The following MYO9B variants were observed in gnomAD, a reference collection of about 807,000 sequenced individuals.
MYO9B encodes the protein myosin IXB.
Under a neutral mutation model 229.5 loss-of-function variants are expected in MYO9B, and 71 were observed. The ratio of observed to expected loss-of-function variants is 0.31; its 90% CI spans 0.26 to 0.38. The LOEUF is 0.38. MYO9B is among the 10% of genes least tolerant of loss of function. The pLI is 1.00. For synonymous variants in MYO9B, 1,185 were observed against 1,235.8 expected (o/e 0.96, Z 0.86); for missense variants, 2,255 against 2,920.5 (o/e 0.77, Z 5.25).
chr19:17,174,599 T>A (rs2072762829), intron 13 of MYO9B, among the ~76,000 whole-genome samples: 1 of 151,934 alleles, frequency 6.6e-6, no homozygotes, highest in Non-Finnish European at 1.5e-5. Context: ...ATCATGCCAG[T>A]GCACTTCAGC....
intron 14 of MYO9B, 87 bp from the exon 15 acceptor site, chr19:17,180,840 C>T (rs2072850740): frequency 1.2e-6 from 1 of 847,656 alleles, no homozygotes; most frequent in Non-Finnish European, 1.9e-6. Context: ...GGGATGGTCC[C>T]AATGGCGCTG....
chr19:17,088,695 G>T (rs1428875243), intron 1 of MYO9B, among the ~76,000 whole-genome samples: 1 of 152,092 alleles, frequency 6.6e-6, no homozygotes, highest in Non-Finnish European at 1.5e-5. Context: ...ATTTGTGTGT[G>T]TGTGAGAGAG....
intron 20 of MYO9B, among the ~76,000 whole-genome samples, chr19:17,191,669 C>CA (rs1490648711): frequency 6.6e-6 from 1 of 152,150 alleles, no homozygotes; most frequent in East Asian, 1.9e-4. Flanking sequence ...CTGAAGGCCT[C>CA]ACCTGGTGTA....
At chr19:17,133,733 C>T (rs530379672) in intron 2 of MYO9B, among the ~76,000 whole-genome samples, 10 of 150,482 alleles carry the variant, frequency 6.6e-5, no homozygotes, top group Non-Finnish European at 1.2e-4. Flanking sequence ...GGATTATAGG[C>T]ATCAGCCACA....
chr19:17,083,645 CTTTTT>C (rs5827358), intron 1 of MYO9B, among the ~76,000 whole-genome samples: 3 of 121,228 alleles, frequency 2.5e-5, no homozygotes, highest in Admixed American at 8.8e-5. Context: ...ATGCTGCCCT[CTTTTT>C]TTTTTTTTTT....
intron 14 of MYO9B, chr19:17,180,534 A>G (rs2072847108): frequency 6.5e-6 from 1 of 153,690 alleles, no homozygotes; most frequent in Non-Finnish European, 1.4e-5. Flanking sequence ...TATTTTTAGC[A>G]GAGATGAGTT....
At chr19:17,203,670 G>T (rs114241441) in intron 30 of MYO9B, among the ~76,000 whole-genome samples, 1,794 of 150,358 alleles carry the variant, frequency 0.012, 32 homozygotes, top group African/African-American at 0.041. Flanking sequence ...GATCTTTCTG[G>T]ACCGTTGTCC....
chr19:17,210,586 C>A, intron 37 of MYO9B, 129 bp from the exon 38 acceptor site: 1 of 1,304,566 alleles, frequency 7.7e-7, no homozygotes, highest in Non-Finnish European at 1.0e-6. Flanking sequence ...CCATGGGATT[C>A]CTAGAGAAGT....
At chr19:17,194,464 C>T in intron 21 of MYO9B, 92 bp from the exon 22 acceptor site, 1 of 1,433,066 alleles carries the variant, frequency 7.0e-7, no homozygotes, top group Non-Finnish European at 9.5e-7. Flanking sequence ...GCCCCGTCTG[C>T]AGCCCGCAGG....
At chr19:17,175,618 C>A (rs765223381) in intron 13 of MYO9B, 45 bp from the exon 14 acceptor site, 53 of 1,435,940 alleles carry the variant, frequency 3.7e-5, no homozygotes, top group Non-Finnish European at 4.7e-5. Context: ...TTGCAGCCTC[C>A]ATAGGAGGCC....
At chr19:17,179,064 C>T (rs901554346) in intron 14 of MYO9B, among the ~76,000 whole-genome samples, 1 of 151,516 alleles carries the variant, frequency 6.6e-6, no homozygotes, top group Non-Finnish European at 1.5e-5. Flanking sequence ...GTTTCTCAAC[C>T]TCAGCACTGT....
intron 2 of MYO9B, among the ~76,000 whole-genome samples, chr19:17,135,823 T>C (rs1405873098): frequency 3.3e-5 from 5 of 152,072 alleles, no homozygotes; most frequent in Non-Finnish European, 5.9e-5. Flanking sequence ...GGCCTGGCTG[T>C]GATATTAGAA....
intron 2 of MYO9B, among the ~76,000 whole-genome samples, chr19:17,113,657 G>A (rs2057871314): frequency 6.6e-6 from 1 of 152,080 alleles, no homozygotes; most frequent in Non-Finnish European, 1.5e-5. Context: ...GGGCACCCCG[G>A]GCACCACAGG....
At chr19:17,104,325 C>G (rs939507258) in intron 2 of MYO9B, among the ~76,000 whole-genome samples, 4 of 152,144 alleles carry the variant, frequency 2.6e-5, no homozygotes, top group African/African-American at 9.7e-5. Flanking sequence ...CCAACCCAGG[C>G]TCTTATGCCT....
chr19:17,080,819 T>C (rs113688665), intron 1 of MYO9B, among the ~76,000 whole-genome samples: 1,920 of 151,936 alleles, frequency 0.013, 52 homozygotes, highest in African/African-American at 0.043. Flanking sequence ...CAGTGAGCTA[T>C]GATCATGGCA....
intron 23 of MYO9B, 109 bp from the exon 24 acceptor site, chr19:17,198,075 A>G (rs1568298203): frequency 2.7e-6 from 4 of 1,460,332 alleles, no homozygotes; most frequent in Non-Finnish European, 3.7e-6. Context: ...AAAAAAAAAA[A>G]GCAGGAAGTG....
At chr19:17,126,593 C>T (rs1010416161) in intron 2 of MYO9B, among the ~76,000 whole-genome samples, 1 of 152,072 alleles carries the variant, frequency 6.6e-6, no homozygotes, top group African/African-American at 2.4e-5. Context: ...GCCAGGAAAA[C>T]GTCATTTGCT....
At chr19:17,206,522 C>A in intron 33 of MYO9B, 146 bp downstream of exon 33, 1 of 1,381,084 alleles carries the variant, frequency 7.2e-7, no homozygotes, top group Non-Finnish European at 9.7e-7. Flanking sequence ...ACCGGGTCCC[C>A]AGTTTGGGGT....
At chr19:17,089,510 G>A (rs893506155) in intron 1 of MYO9B, among the ~76,000 whole-genome samples, 8 of 152,086 alleles carry the variant, frequency 5.3e-5, no homozygotes, top group South Asian at 2.1e-4. Flanking sequence ...AGTAAATTCC[G>A]AATCCTCCGC....
Sources: gnomAD v4.1 joint callset for allele counts (sites outside exome capture counted in the v4.1 genomes callset) on GRCh38, gnomAD v4.1.1 for gene constraint, MANE v1.5 for transcripts, NCBI Gene and HGNC (gene_info 2026-07-23, HGNC 2026-07-21) for gene names.